SRP19: variants seen among roughly 807,000 people sequenced by gnomAD.
SRP19 encodes the protein signal recognition particle 19 kDa protein.
A neutral mutation model predicts 22.4 loss-of-function variants in SRP19; 11 were observed. That is an observed-to-expected ratio of 0.49 (90% CI 0.31 to 0.81). The LOEUF is 0.81. Ranked by LOEUF, SRP19 falls within the 40% of genes least tolerant of loss-of-function variation. The pLI is 0.05. For synonymous variants in SRP19, 61 were observed against 57.6 expected (o/e 1.06, Z -0.27); for missense variants, 168 against 175.9 (o/e 0.96, Z 0.25).
Position 112,868,277 on chromosome 5 carries a change from G to A in SRP19, c.*740G>A, listed in dbSNP as rs77992480. 4,431 of 985,426 alleles carry A rather than the reference G, an allele frequency of 4.5e-3. 134 individuals are homozygous for A. In the East Asian group the frequency reaches 0.16, roughly 35 times the overall value. The allele number at this position is 985,426 out of a possible 1,614,324, so 61.0% of individuals were successfully genotyped here. A position where few individuals can be genotyped will look rare whatever the true frequency, so the allele number is the denominator to read the frequency against. Reference sequence around the variant, plus strand: ...GATTGGTGCTCCAGAATTTCAGAGCGGTTTCTGAAAGTAGTGATTTTGAGC... The same window carrying A: ...GATTGGTGCTCCAGAATTTCAGAGCAGTTTCTGAAAGTAGTGATTTTGAGC... On this transcript the variant is annotated 3_prime_UTR_variant, in exon 5 of 5. Coordinates refer to ENST00000505459, the MANE Select transcript of SRP19 (RefSeq NM_003135.3).
Position 112,891,939 on chromosome 5 carries a change from G to A in SRP19, c.*332G>A, listed in dbSNP as rs116824915. On this transcript the variant is annotated 3_prime_UTR_variant, in exon 5 of 5. Coordinates refer to the SRP19 transcript ENST00000391338. ...GAATAAAGAAGGAAAAGGAAGAGGC[G>A]GCTAAAAAATGGCTAGAAGAACAAG... is the stretch of plus-strand genomic sequence containing the variant. The A allele has an allele frequency of 4.1e-4, 518 of 1,255,774 alleles. 2 individuals are homozygous for A. In the African/African-American group the frequency reaches 5.9e-3, roughly 14 times the overall value. 77.8% of individuals were successfully genotyped at this position (1,255,774 alleles called of 1,614,324 possible).
In SRP19 at chr5:112,892,220, G is replaced by C; in HGVS notation, c.*613G>C. ...TGCAGATTTGGAGACAGATGTTCAC[G>C]TAAACATAATTTCCCAACATCTAGT... is the stretch of plus-strand genomic sequence containing the variant. On this transcript the variant is annotated 3_prime_UTR_variant, in exon 5 of 5. Coordinates refer to the SRP19 transcript ENST00000391338. 2 of 1,614,104 alleles carry C rather than the reference G, an allele frequency of 1.2e-6. 1 individual carries two copies. Among genetic ancestry groups the C allele is most frequent in the South Asian group, 2.2e-5 (2 of 91,080 alleles).
chr5:112,868,243 A>G lies in SRP19; in HGVS notation c.*706A>G. ...CTTGAGGTACACTTTCCTTCAACAA[A>G]TGAAATTGGATTGGTGCTCCAGAAT... is the stretch of plus-strand genomic sequence containing the variant. On this transcript the variant is annotated 3_prime_UTR_variant, in exon 5 of 5. Transcript: ENST00000505459. 6 of 985,490 alleles carry G rather than the reference A, an allele frequency of 6.1e-6. No homozygotes were observed. Among genetic ancestry groups the G allele is most frequent in the Non-Finnish European group, 7.2e-6 (6 of 829,968 alleles). The allele number at this position is 985,490 out of a possible 1,614,324, so 61.0% of individuals were successfully genotyped here.
chr5:112,873,834 G>A (rs1446475104), downstream of SRP19, among the ~76,000 whole-genome samples: 1 of 151,850 alleles, frequency 6.6e-6, no homozygotes, highest in Non-Finnish European at 1.5e-5. Context: ...TTCGGTTGCT[G>A]GTTTTTAAGA....
chr5:112,862,241 A>C (rs910697007), intron 1 of SRP19: 1 of 513,616 alleles, frequency 1.9e-6, no homozygotes, highest in African/African-American at 1.9e-5. Context: ...GACGTTTCCC[A>C]TTGACCTGTG....
chr5:112,871,031 T>C (rs1767746403), downstream of SRP19, among the ~76,000 whole-genome samples: 1 of 152,090 alleles, frequency 6.6e-6, no homozygotes, highest in Admixed American at 6.5e-5. Context: ...TTATGTAGTT[T>C]TTAGTAAAGA....
chr5:112,893,115 A>G (rs1580739963), downstream of SRP19: 12 of 903,242 alleles, frequency 1.3e-5, no homozygotes, highest in South Asian at 1.4e-4. Flanking sequence ...AAAAAAAAAA[A>G]AAGAATGGAC....
Position 112,868,482 on chromosome 5 carries a change from C to A in SRP19, c.*945C>A, listed in dbSNP as rs1767680597. 1.6e-6 allele frequency: 1 copy of A among 611,916 alleles called. No individual in the cohort carries two copies. Among genetic ancestry groups the A allele is most frequent in the Non-Finnish European group, 2.0e-6 (1 of 488,600 alleles). 37.9% of individuals were successfully genotyped at this position (611,916 alleles called of 1,614,324 possible). On this transcript the variant is annotated 3_prime_UTR_variant, in exon 5 of 5. Coordinates refer to ENST00000505459, the MANE Select transcript of SRP19 (RefSeq NM_003135.3). ...ATGGCACGATATCGGCGTACCACAA[C>A]CTCTGCATCCCAGGTTCAAGAGATT...
intron 4 of SRP19, among the ~76,000 whole-genome samples, chr5:112,883,698 A>T (rs78464243): frequency 0.023 from 3,549 of 152,250 alleles, 129 homozygotes; most frequent in African/African-American, 0.08. Flanking sequence ...CCTGTATCCA[A>T]CTAGCTATTT....
chr5:112,890,578 A>T (rs1180737949), intron 4 of SRP19, among the ~76,000 whole-genome samples: 1 of 150,120 alleles, frequency 6.7e-6, no homozygotes, highest in African/African-American at 2.5e-5. Flanking sequence ...GGGTTTCGCC[A>T]TGTTGGCCGG....
At chr5:112,883,857 A>G (rs1483047398) in intron 4 of SRP19, among the ~76,000 whole-genome samples, 1 of 152,068 alleles carries the variant, frequency 6.6e-6, no homozygotes, top group African/African-American at 2.4e-5. Context: ...TTATCCTTCC[A>G]TCTGTTCAGG....
intron 4 of SRP19, among the ~76,000 whole-genome samples, chr5:112,884,779 G>C (rs373483775): frequency 0.066 from 9,690 of 147,742 alleles, 372 homozygotes; most frequent in South Asian, 0.13. Context: ...CCAGTCCTTG[G>C]CCCCCCCCCA....
At chr5:112,878,609 C>T (rs1318287770) in intron 4 of SRP19, 1 of 908,242 alleles carries the variant, frequency 1.1e-6, no homozygotes, top group East Asian at 2.7e-5. Context: ...TAAAGTGCTC[C>T]CTATATATAT....
chr5:112,890,603 C>G (rs768740686), intron 4 of SRP19, among the ~76,000 whole-genome samples: 3 of 150,362 alleles, frequency 2.0e-5, no homozygotes, highest in Non-Finnish European at 4.4e-5. Flanking sequence ...GTCTCGAACT[C>G]CTGACCTCAA....
chr5:112,876,000 C>T (rs1187116604), intron 4 of SRP19, among the ~76,000 whole-genome samples: 1 of 150,734 alleles, frequency 6.6e-6, no homozygotes, highest in Non-Finnish European at 1.5e-5. Flanking sequence ...CGCCACTGCA[C>T]TCCAGCCTGG....
intron 4 of SRP19, among the ~76,000 whole-genome samples, chr5:112,879,827 G>A (rs1768015568): frequency 2.6e-5 from 4 of 151,826 alleles, no homozygotes; most frequent in Admixed American, 2.6e-4. Flanking sequence ...GCCTGTAATC[G>A]CAGCACTTTG....
Position 112,862,559 on chromosome 5 carries a change from G to C in SRP19, c.93G>C (p.Glu31Asp), listed in dbSNP as rs1460793296. ...AYLNNKKTIA[E>D]GRRIPISKAV... ...TAAATAATAAGAAGACCATCGCAGA[G>C]GGAAGGCGAATCCCCATAAGTAAGG... Residue 31 changes from glutamate (E) to aspartate (D), a missense_variant, in exon 2 of 5, where the codon GAG (glutamate) becomes GAC (aspartate). Coordinates refer to ENST00000505459, the MANE Select transcript of SRP19 (RefSeq NM_003135.3). The C allele has an allele frequency of 1.9e-6, 3 of 1,613,906 alleles. No individual in the cohort carries two copies. Among genetic ancestry groups the C allele is most frequent in the Non-Finnish European group, 2.5e-6 (3 of 1,179,952 alleles).
chr5:112,864,162 C>CA (rs1767506680), intron 2 of SRP19, among the ~76,000 whole-genome samples: 1 of 152,164 alleles, frequency 6.6e-6, no homozygotes, highest in Admixed American at 6.5e-5. Context: ...AATCATTGAG[C>CA]ACCTACTATG....
At chr5:112,861,500 C>T (rs922513974) in intron 1 of SRP19, 83 bp downstream of exon 1, 9 of 1,483,468 alleles carry the variant, frequency 6.1e-6, no homozygotes, top group Middle Eastern at 4.5e-4. Flanking sequence ...CTCCGCTCCG[C>T]GGCCTCCAGA....
Sources: gnomAD v4.1 joint callset for allele counts (sites outside exome capture counted in the v4.1 genomes callset) on GRCh38, gnomAD v4.1.1 for gene constraint, MANE v1.5 for transcripts, NCBI Gene and HGNC (gene_info 2026-07-23, HGNC 2026-07-21) for gene names.